PREX1: variants seen among roughly 807,000 people sequenced by gnomAD.
The protein encoded by PREX1 is phosphatidylinositol 3,4,5-trisphosphate-dependent Rac exchanger 1 protein.
In PREX1, 41 loss-of-function variants were observed where a neutral mutation model predicts 198.3. The ratio of observed to expected loss-of-function variants is 0.21; its 90% CI spans 0.16 to 0.27. The LOEUF is 0.27. Among genes scored for constraint, PREX1 ranks in the 10% least tolerant of loss-of-function variants. The pLI is 1.00. For synonymous variants in PREX1, 843 were observed against 887.2 expected (o/e 0.95, Z 0.89); for missense variants, 1,620 against 2,200.7 (o/e 0.74, Z 5.28).
intron 14 of PREX1, among the ~76,000 whole-genome samples, chr20:48,671,783 C>T (rs564467112): frequency 7.9e-5 from 12 of 152,298 alleles, no homozygotes; most frequent in African/African-American, 2.9e-4. Context: ...TTCCCTGACC[C>T]AAGCCGAAGG....
At chr20:48,862,807 A>ATATATGTGTG in the PREX1 span, among the ~76,000 whole-genome samples, 2,418 of 125,926 alleles carry the variant, frequency 0.019, 66 homozygotes, top group Non-Finnish European at 0.03. Flanking sequence ...ATATATATAT[A>ATATATGTGTG]TATATACTAA....
At chr20:48,676,027 ACT>A (rs2089706490) in intron 14 of PREX1, among the ~76,000 whole-genome samples, 164 bp downstream of exon 14, 2 of 150,580 alleles carry the variant, frequency 1.3e-5, no homozygotes, top group Non-Finnish European at 3.0e-5. Context: ...CCAGAGCAAG[ACT>A]CTGTCTCAAG....
intron 37 of PREX1, among the ~76,000 whole-genome samples, chr20:48,628,696 A>C (rs2089291332): frequency 1.3e-5 from 2 of 152,214 alleles, no homozygotes; most frequent in African/African-American, 4.8e-5. Flanking sequence ...CCCCTAAAAT[A>C]GGCCCCACTA....
In PREX1 at chr20:48,658,202, G is replaced by A. The variant is rs756757008; in HGVS notation, c.1908C>T (p.Gly636=). The change falls in exon 17 of 40, where the codon GGC becomes GGT. Residue 636 remains glycine, a synonymous_variant. Coordinates refer to ENST00000371941, the MANE Select transcript of PREX1 (RefSeq NM_020820.4). The stretch of plus-strand genomic sequence containing the variant: ...CCTTGTTCTTCTCCTCGATGTCAAA[G>A]CCATAGTCCTCCTCCTGGGGCAGGA... ...LLILPQEEDY[G]FDIEEKNKAV... 1.9e-6 allele frequency: 3 copies of A among 1,614,072 alleles called. No individual in the cohort carries two copies. The highest frequency in any genetic ancestry group is 2.2e-5 in the South Asian group (2 of 91,082).
chr20:48,671,237 A>T (rs1210392162), intron 14 of PREX1, among the ~76,000 whole-genome samples: 1 of 152,218 alleles, frequency 6.6e-6, no homozygotes, highest in East Asian at 1.9e-4. Flanking sequence ...GATTGTAGGA[A>T]GTTTCCTCCC....
intron 3 of PREX1, among the ~76,000 whole-genome samples, chr20:48,736,744 A>G (rs917568390): frequency 6.6e-6 from 1 of 152,204 alleles, no homozygotes; most frequent in African/African-American, 2.4e-5. Context: ...AGAGGAAGAA[A>G]GAGTACAACT....
chr20:48,787,098 G>A (rs1003004006), intron 1 of PREX1, among the ~76,000 whole-genome samples: 3 of 152,098 alleles, frequency 2.0e-5, no homozygotes, highest in Non-Finnish European at 4.4e-5. Flanking sequence ...CAAAGGCTGC[G>A]AGAAGCGGGC....
At chr20:48,659,859 G>C in intron 16 of PREX1, 60 bp downstream of exon 16, 2 of 1,608,568 alleles carry the variant, frequency 1.2e-6, no homozygotes, top group Non-Finnish European at 8.5e-7. Flanking sequence ...AGGTCGCCCA[G>C]CTCCCATGCC....
At chr20:48,887,047 G>A in the PREX1 span, among the ~76,000 whole-genome samples, 5 of 152,156 alleles carry the variant, frequency 3.3e-5, no homozygotes, top group African/African-American at 1.2e-4. Context: ...ATGGCAATGA[G>A]GGAACAGCAA....
chr20:48,646,879 C>T (rs575844585), intron 25 of PREX1, among the ~76,000 whole-genome samples: 1 of 152,268 alleles, frequency 6.6e-6, no homozygotes, highest in East Asian at 1.9e-4. Context: ...GACTCTGTTT[C>T]CTCATATGTA....
At chr20:48,767,733 T>G (rs1359293229) in intron 1 of PREX1, among the ~76,000 whole-genome samples, 2 of 151,876 alleles carry the variant, frequency 1.3e-5, no homozygotes, top group Admixed American at 6.6e-5. Context: ...TAGTCTGCCC[T>G]TCCTAGGTCA....
the PREX1 span, among the ~76,000 whole-genome samples, chr20:48,834,083 A>G: frequency 6.6e-6 from 1 of 150,864 alleles, no homozygotes; most frequent in South Asian, 2.1e-4. Context: ...AGCGAGACTC[A>G]GTCTCAAAAA....
chr20:48,707,350 T>G (rs980189771), intron 6 of PREX1, among the ~76,000 whole-genome samples: 3 of 152,230 alleles, frequency 2.0e-5, no homozygotes, highest in African/African-American at 7.2e-5. Flanking sequence ...GCAGGGGACA[T>G]GGCAAGTGGA....
At chr20:48,832,946 T>C (rs1030877136), upstream of PREX1, among the ~76,000 whole-genome samples, 1 of 152,178 alleles carries the variant, frequency 6.6e-6, no homozygotes, top group Admixed American at 6.5e-5. Flanking sequence ...GCCACCAACA[T>C]GCACGACTTC....
the PREX1 span, among the ~76,000 whole-genome samples, chr20:48,852,429 A>G: frequency 6.6e-6 from 1 of 152,230 alleles, no homozygotes; most frequent in African/African-American, 2.4e-5. Flanking sequence ...GCAGATGTCA[A>G]TTTGGCTGGA....
upstream of PREX1, among the ~76,000 whole-genome samples, chr20:48,831,444 T>G (rs1372873536): frequency 6.6e-6 from 1 of 152,168 alleles, no homozygotes; most frequent in Non-Finnish European, 1.5e-5. Flanking sequence ...TACTACACAC[T>G]GGGCATTGGG....
intron 1 of PREX1, among the ~76,000 whole-genome samples, chr20:48,760,195 T>C (rs1601119118): frequency 6.6e-6 from 1 of 152,068 alleles, no homozygotes; most frequent in East Asian, 1.9e-4. Flanking sequence ...CTGGTGCAGG[T>C]AGACAGAACC....
the PREX1 span, among the ~76,000 whole-genome samples, chr20:48,860,606 C>T: frequency 6.6e-6 from 1 of 152,114 alleles, no homozygotes; most frequent in South Asian, 2.1e-4. Context: ...TTTGGGACCC[C>T]GAGGCGGGTG....
At position 48,642,452 on chromosome 20, in the gene PREX1, G is replaced by T; in HGVS notation, c.3639C>A (p.Asp1213Glu). 1 of 1,613,720 alleles carries T rather than the reference G, an allele frequency of 6.2e-7. No individual in the cohort carries two copies. The highest frequency in any genetic ancestry group is 8.5e-7 in the Non-Finnish European group (1 of 1,179,696). ...ELPCDMRIPS[D>E]KQDKLHGCLE... ...GGCAGCCATGAAGCTTGTCCTGCTT[G>T]TCAGATGGGATCCGCATGTCACAGG... Residue 1213 changes from aspartate to glutamate, a missense_variant, in exon 28 of 40, where the codon GAC (aspartate) becomes GAA (glutamate). Around this residue, in one of 7 missense-constraint regions of PREX1, gnomAD observed 476 missense variants for 603.4 expected, o/e 0.79. Coordinates refer to ENST00000371941, the MANE Select transcript of PREX1 (RefSeq NM_020820.4).
Sources: gnomAD v4.1 joint callset for allele counts (sites outside exome capture counted in the v4.1 genomes callset) on GRCh38, gnomAD v4.1.1 for gene constraint, gnomAD v4.1.1 regional missense constraint, MANE v1.5 for transcripts, NCBI Gene and HGNC (gene_info 2026-07-23, HGNC 2026-07-21) for gene names.